MRTFA: variants seen among roughly 807,000 people sequenced by gnomAD.
MRTFA encodes myocardin-related transcription factor A.
Under a neutral mutation model 83.5 loss-of-function variants are expected in MRTFA, and 20 were observed. That is an observed-to-expected ratio of 0.24 (90% CI 0.17 to 0.35). MRTFA has a LOEUF of 0.35. MRTFA is among the 10% of genes least tolerant of loss of function. MRTFA has a pLI of 1.00. For synonymous variants in MRTFA, 659 were observed against 541.2 expected, an observed-to-expected ratio of 1.22 and a Z score of -3.02; for missense variants, 1,200 against 1,224.7, an observed-to-expected ratio of 0.98 and a Z score of 0.30.
chr22:40,429,867 G>C, intron 6 of MRTFA, 100 bp from the exon 7 acceptor site: 1 of 1,234,328 alleles, frequency 8.1e-7, no homozygotes, highest in East Asian at 2.3e-5. Flanking sequence ...GGCAAGAGGA[G>C]TGACTGTCAG....
chr22:40,592,011 C>A (rs1224520467), intron 2 of MRTFA, among the ~76,000 whole-genome samples: 1 of 152,108 alleles, frequency 6.6e-6, no homozygotes, highest in East Asian at 1.9e-4. Context: ...TAGGAAAGAG[C>A]TGAACAATTT....
chr22:40,435,408 A>T (rs1602237408), intron 5 of MRTFA, 91 bp downstream of exon 5: 3 of 1,399,972 alleles, frequency 2.1e-6, no homozygotes, highest in Non-Finnish European at 3.0e-6. Flanking sequence ...TCAGAGTTCT[A>T]TGGAAAGCTC....
chr22:40,616,253 TC>T (rs2056448308), intron 1 of MRTFA, among the ~76,000 whole-genome samples: 1 of 152,180 alleles, frequency 6.6e-6, no homozygotes, highest in Admixed American at 6.5e-5. Context: ...TTGCCACAGT[TC>T]CTACCACTCT....
intron 3 of MRTFA, chr22:40,533,742 G>C (rs1473787657): frequency 1.9e-6 from 1 of 534,652 alleles, no homozygotes; most frequent in Non-Finnish European, 2.8e-6. Flanking sequence ...GATGCCTTAT[G>C]CTCAAATCAG....
chr22:40,529,029 C>G (rs970166264), intron 3 of MRTFA, among the ~76,000 whole-genome samples: 1 of 152,166 alleles, frequency 6.6e-6, no homozygotes, highest in Non-Finnish European at 1.5e-5. Flanking sequence ...TGGAGTTTTT[C>G]GTCAGTTCTA....
At position 40,417,426 on chromosome 22, in the gene MRTFA, T is replaced by C; in HGVS notation, c.2432A>G (p.Gln811Arg). ...AGAAGTGGGGGTCCCAAAGAGGGGC[T>C]GCAGTGGGTGCTCCAGGTCCATCTG... is the stretch of plus-strand genomic sequence containing the variant. Residue 811 changes from glutamine to arginine, a missense_variant, in exon 13 of 15, where the codon CAG becomes CGG. Physicochemically the swap from Gln to Arg is conservative, Grantham distance 43 (BLOSUM62 1). Coordinates refer to ENST00000355630, the MANE Select transcript of MRTFA (RefSeq NM_020831.6). 6.2e-7 allele frequency: 1 copy of C among 1,608,612 alleles called. No homozygotes were observed. The highest frequency in any genetic ancestry group is 8.5e-7 in the Non-Finnish European group (1 of 1,178,504).
chr22:40,451,975 G>GTTTTTTT (rs771103539), intron 4 of MRTFA, among the ~76,000 whole-genome samples: 2 of 80,478 alleles, frequency 2.5e-5, no homozygotes, highest in Non-Finnish European at 2.3e-5. Context: ...TTTTTTTTTG[G>GTTTTTTT]TTTTTTTTTT....
chr22:40,411,234 G>C lies in MRTFA; in HGVS notation c.*156C>G, dbSNP rs550428708. The C allele has an allele frequency of 1.3e-6, 1 of 778,696 alleles. No individual in the cohort carries two copies. Among genetic ancestry groups the C allele is most frequent in the South Asian group, 2.2e-5 (1 of 45,006 alleles). The allele number at this position is 778,696 out of a possible 1,614,324, so 48.2% of individuals were successfully genotyped here. Reference sequence around the variant, plus strand: ...CTGCGTGGCACTGAACCAGGAGTAAGGGCTTCTCTGTTCTAGCCTCCCAGG... The same window carrying C: ...CTGCGTGGCACTGAACCAGGAGTAACGGCTTCTCTGTTCTAGCCTCCCAGG... On this transcript the variant is annotated 3_prime_UTR_variant, in exon 15 of 15. Coordinates refer to ENST00000355630, the MANE Select transcript of MRTFA (RefSeq NM_020831.6).
At chr22:40,541,198 T>C (rs766168842) in intron 3 of MRTFA, among the ~76,000 whole-genome samples, 15 of 152,272 alleles carry the variant, frequency 9.9e-5, no homozygotes, top group Middle Eastern at 3.4e-3. Context: ...TCTTTAACCA[T>C]AGAAAGCTGT....
Position 40,632,151 on chromosome 22 carries a change from C to A in MRTFA, c.-84+4327G>T, listed in dbSNP as rs5995885. The stretch of plus-strand genomic sequence containing the variant: ...CCATGAAGGCATTCATGCGGAGAGG[C>A]CCACATGAAGAGGAATTGAGATCTC... On this transcript the variant is annotated intron_variant, in intron 1 of 14. Coordinates refer to ENST00000355630, the MANE Select transcript of MRTFA (RefSeq NM_020831.6). Among the ~76,000 whole-genome samples, 1,149 of 152,324 alleles carry A rather than the reference C, an allele frequency of 7.5e-3. 27 individuals carry two copies. The Middle Eastern group carries it at 0.085, about 11-fold the overall frequency.
intron 2 of MRTFA, among the ~76,000 whole-genome samples, chr22:40,554,698 T>G (rs1039749515): frequency 5.5e-4 from 84 of 152,348 alleles, no homozygotes; most frequent in African/African-American, 2.0e-3. Flanking sequence ...ACTATGCCAC[T>G]GGAGTATATG....
chr22:40,526,248 G>A (rs2054970646), intron 3 of MRTFA: 1 of 152,086 alleles, frequency 6.6e-6, no homozygotes, highest in Non-Finnish European at 1.5e-5. Flanking sequence ...TGCCCGACTA[G>A]CCTTGAACTC....
At position 40,423,694 on chromosome 22, in the gene MRTFA, G is replaced by A; in HGVS notation, c.778-9C>T. The A allele has an allele frequency of 6.5e-7, 1 of 1,529,674 alleles. No homozygotes were observed. The highest frequency in any genetic ancestry group is 1.3e-5 in the South Asian group (1 of 77,766). The allele number at this position is 1,529,674 out of a possible 1,614,324, so 94.8% of individuals were successfully genotyped here. A position where few individuals can be genotyped will look rare whatever the true frequency, so the allele number is the denominator to read the frequency against. On this transcript the variant is annotated splice_polypyrimidine_tract_variant and intron_variant, in intron 8 of 14. Transcript: ENST00000355630. Reference sequence around the variant, plus strand: ...GGAAGTTGAGACACAACCTGAGAGGGAAAAAGGGAAGTGAGGACATGGCCA... The same window carrying A: ...GGAAGTTGAGACACAACCTGAGAGGAAAAAAGGGAAGTGAGGACATGGCCA...
At chr22:40,432,793 T>C (rs919562058) in intron 5 of MRTFA, among the ~76,000 whole-genome samples, 6 of 152,100 alleles carry the variant, frequency 3.9e-5, no homozygotes, top group Non-Finnish European at 7.4e-5. Flanking sequence ...AGGAGATGGT[T>C]TAAAGTGACT....
chr22:40,410,898 G>A lies in MRTFA; in HGVS notation c.*492C>T, dbSNP rs2052504802. Reference sequence around the variant, plus strand: ...CTACACCAAGACACTAAAATGGCAGGGAGCCCTGGGATCCTGGGGTTGGCA... The same window carrying A: ...CTACACCAAGACACTAAAATGGCAGAGAGCCCTGGGATCCTGGGGTTGGCA... On this transcript the variant is annotated 3_prime_UTR_variant, in exon 15 of 15. Coordinates refer to ENST00000355630, the MANE Select transcript of MRTFA (RefSeq NM_020831.6). 7 of 234,500 alleles carry A rather than the reference G, an allele frequency of 3.0e-5. No homozygotes were observed. The East Asian group carries it at 4.2e-4, about 14-fold the overall frequency. 14.5% of individuals were successfully genotyped at this position (234,500 alleles called of 1,614,324 possible).
intron 1 of MRTFA, among the ~76,000 whole-genome samples, chr22:40,614,247 T>A (rs939323468): frequency 2.0e-5 from 3 of 149,752 alleles, no homozygotes; most frequent in Admixed American, 6.6e-5. Context: ...TAAAAAAAAA[T>A]AAAAAAATTT....
At chr22:40,490,372 C>T (rs541783079) in intron 3 of MRTFA, among the ~76,000 whole-genome samples, 4 of 152,030 alleles carry the variant, frequency 2.6e-5, no homozygotes, top group Admixed American at 1.3e-4. Flanking sequence ...AGGCCAAGGC[C>T]GGCGGATCAT....
intron 4 of MRTFA, among the ~76,000 whole-genome samples, chr22:40,444,944 G>GT (rs1352991068): frequency 6.6e-6 from 1 of 152,158 alleles, no homozygotes; most frequent in Non-Finnish European, 1.5e-5. Context: ...GCAATCACCT[G>GT]TAGTCCCAGC....
At chr22:40,517,720 C>T (rs75847605) in intron 3 of MRTFA, among the ~76,000 whole-genome samples, 44 of 152,216 alleles carry the variant, frequency 2.9e-4, no homozygotes, top group Non-Finnish European at 4.7e-4. Context: ...TAAAAGGAGT[C>T]GTCTTTTGTT....
Sources: gnomAD v4.1 joint callset for allele counts (sites outside exome capture counted in the v4.1 genomes callset) on GRCh38, gnomAD v4.1.1 for gene constraint, MANE v1.5 for transcripts, NCBI Gene and HGNC (gene_info 2026-07-23, HGNC 2026-07-21) for gene names.